The following COL25A1 variants were observed in gnomAD, a reference collection of about 807,000 sequenced individuals.
The protein encoded by COL25A1 is collagen type XXV alpha 1 chain, also known as collagen alpha-1(XXV) chain.
A neutral mutation model predicts 128.4 loss-of-function variants in COL25A1; 103 were observed. The observed-to-expected ratio is 0.80, with a 90% CI of 0.68 to 0.94. The LOEUF (loss-of-function observed/expected upper bound fraction) is 0.94. Among genes scored for constraint, COL25A1 ranks in the 40% least tolerant of loss-of-function variants. COL25A1 has a pLI of 0.00. For missense variants in COL25A1, 745 were observed against 840.0 expected (o/e 0.89, Z 1.40); for synonymous variants, 279 against 277.2 (o/e 1.01, Z -0.06).
intron 3 of COL25A1, among the ~76,000 whole-genome samples, chr4:109,185,990 T>C (rs1775096672): frequency 6.6e-6 from 1 of 152,210 alleles, no homozygotes; most frequent in Non-Finnish European, 1.5e-5. Context: ...AAATAAGTAT[T>C]CCGTTGTGGC....
chr4:109,150,511 C>T (rs1245651865), intron 3 of COL25A1, among the ~76,000 whole-genome samples: 2 of 151,906 alleles, frequency 1.3e-5, no homozygotes, highest in East Asian at 3.9e-4. Flanking sequence ...AAATGTGGTG[C>T]CGAGATGTGG....
At chr4:109,298,691 G>C (rs1216261254) in intron 3 of COL25A1, among the ~76,000 whole-genome samples, 2 of 152,192 alleles carry the variant, frequency 1.3e-5, no homozygotes, top group Non-Finnish European at 2.9e-5. Context: ...GATGATGTCT[G>C]ATTATTCCTC....
Position 108,862,395 on chromosome 4 carries a change from GAA to G in COL25A1, c.1197+104_1197+105del, listed in dbSNP as rs887284654. ...AATAAGTATTGCAGTTCCACTGTGT[GAA>G]AGAGTTTAATCTAAAACATGAAAAA... On this transcript the variant is annotated intron_variant, in intron 22 of 37. Transcript: ENST00000399132. The G allele has an allele frequency of 4.7e-6, 4 of 842,280 alleles. No homozygotes were observed. The African/African-American group carries it at 6.7e-5, about 14-fold the overall frequency. The allele number at this position is 842,280 out of a possible 1,614,324, so 52.2% of individuals were successfully genotyped here.
At chr4:109,106,037 T>C (rs1000541632) in intron 3 of COL25A1, among the ~76,000 whole-genome samples, 2 of 152,234 alleles carry the variant, frequency 1.3e-5, no homozygotes, top group Non-Finnish European at 2.9e-5. Flanking sequence ...AATGAACTAC[T>C]GTGCTTTCTA....
At chr4:109,203,090 C>T (rs556071211) in intron 3 of COL25A1, among the ~76,000 whole-genome samples, 2 of 152,206 alleles carry the variant, frequency 1.3e-5, no homozygotes, top group South Asian at 4.1e-4. Flanking sequence ...CAGGTCCCAC[C>T]TTCATGACTA....
At chr4:109,116,442 T>C (rs1560719368) in intron 3 of COL25A1, among the ~76,000 whole-genome samples, 1 of 151,882 alleles carries the variant, frequency 6.6e-6, no homozygotes, top group Non-Finnish European at 1.5e-5. Flanking sequence ...AAAGGGGAAA[T>C]AAGAAGCACT....
chr4:108,934,827 G>A (rs1010034069), intron 11 of COL25A1, among the ~76,000 whole-genome samples: 2 of 151,730 alleles, frequency 1.3e-5, no homozygotes, highest in African/African-American at 4.8e-5. Context: ...AAACTTTACA[G>A]GAATACATCT....
Position 109,296,461 on chromosome 4 carries a change from C to T in COL25A1, c.367+4122G>A, listed in dbSNP as rs573795477. Among the ~76,000 whole-genome samples the T allele has an allele frequency of 2.0e-5, 3 of 152,144 alleles. No individual in the cohort carries two copies. In the East Asian group the frequency reaches 5.8e-4, roughly 29 times the overall value. On this transcript the variant is annotated intron_variant, in intron 3 of 37. Transcript: ENST00000399132. ...TTAAAGATTTGTCTGTCATCCTCAT[C>T]AAAATGTAAGCTTCTTGAGGGAAGA... is the stretch of plus-strand genomic sequence containing the variant.
intron 9 of COL25A1, among the ~76,000 whole-genome samples, 186 bp from the exon 10 acceptor site, chr4:108,940,832 G>C (rs1275065202): frequency 6.6e-6 from 1 of 152,188 alleles, no homozygotes; most frequent in Admixed American, 6.5e-5. Context: ...ATTCATGCTG[G>C]GTGACTGAGT....
At chr4:108,864,266 A>C (rs1049182067) in intron 20 of COL25A1, among the ~76,000 whole-genome samples, 1 of 152,200 alleles carries the variant, frequency 6.6e-6, no homozygotes, top group Non-Finnish European at 1.5e-5. Context: ...GATAGGAATG[A>C]ATATCCATTT....
chr4:109,032,738 G>A lies in COL25A1; in HGVS notation c.420+15430C>T, dbSNP rs188956496. On this transcript the variant is annotated intron_variant, in intron 5 of 37. Coordinates refer to ENST00000399132, the MANE Select transcript of COL25A1 (RefSeq NM_198721.4). ...CAGGAAATGTAGCTTAGCATTTTTA[G>A]AGCCACTGGCTAAATTACCTCTATT... is the stretch of plus-strand genomic sequence containing the variant. Among the ~76,000 whole-genome samples the A allele has an allele frequency of 4.8e-3, 727 of 152,294 alleles. 8 individuals carry two copies. The highest frequency in any genetic ancestry group is 7.7e-3 in the Non-Finnish European group (524 of 68,022).
chr4:109,116,561 T>C (rs1293935883), intron 3 of COL25A1, among the ~76,000 whole-genome samples: 1 of 151,988 alleles, frequency 6.6e-6, no homozygotes, highest in African/African-American at 2.4e-5. Flanking sequence ...TAAAGGCCTA[T>C]TTACCACAGT....
chr4:108,972,426 T>C (rs1752008509), intron 8 of COL25A1, among the ~76,000 whole-genome samples: 1 of 152,200 alleles, frequency 6.6e-6, no homozygotes, highest in African/African-American at 2.4e-5. Context: ...TCTTACTATC[T>C]TGATATGATC....
At chr4:109,011,703 G>T (rs1002608086) in intron 5 of COL25A1, among the ~76,000 whole-genome samples, 1 of 152,160 alleles carries the variant, frequency 6.6e-6, no homozygotes, top group Non-Finnish European at 1.5e-5. Flanking sequence ...TGATTTTAAG[G>T]TTTATGCATT....
chr4:109,015,504 T>C (rs376150061), intron 5 of COL25A1, among the ~76,000 whole-genome samples: 29 of 152,246 alleles, frequency 1.9e-4, no homozygotes, highest in African/African-American at 6.5e-4. Context: ...GTAAAAGCCA[T>C]GCCAAGTGAA....
chr4:108,991,190 GTTATT>G (rs1375830356), intron 6 of COL25A1, among the ~76,000 whole-genome samples: 2 of 152,128 alleles, frequency 1.3e-5, no homozygotes, highest in Non-Finnish European at 2.9e-5. Flanking sequence ...AATGCTACGT[GTTATT>G]TACCTTTATT....
chr4:109,159,358 G>A (rs1772341302), intron 3 of COL25A1, among the ~76,000 whole-genome samples: 1 of 152,000 alleles, frequency 6.6e-6, no homozygotes, highest in Non-Finnish European at 1.5e-5. Flanking sequence ...TGGTGAGTGT[G>A]GTGACAATAT....
In COL25A1 at chr4:108,942,310, G is replaced by A. The variant is rs1028987614; in HGVS notation, c.493-873C>T. On this transcript the variant is annotated intron_variant, in intron 8 of 37. Transcript: ENST00000399132. ...GCACCAAAACAACACGACATAAAAC[G>A]TCACACAGACATTTCACTAGGGGAC... is the stretch of plus-strand genomic sequence containing the variant. The A allele has an allele frequency of 2.0e-5, 30 of 1,525,348 alleles. No homozygotes were observed. The East Asian group carries it at 3.4e-4, about 17-fold the overall frequency. The allele number at this position is 1,525,348 out of a possible 1,614,324, so 94.5% of individuals were successfully genotyped here.
At chr4:109,206,142 C>T (rs181494296) in intron 3 of COL25A1, among the ~76,000 whole-genome samples, 5 of 152,270 alleles carry the variant, frequency 3.3e-5, no homozygotes, top group South Asian at 2.1e-4. Flanking sequence ...TTTTCTCTAA[C>T]GTTATCTTAT....
Sources: gnomAD v4.1 joint callset for allele counts (sites outside exome capture counted in the v4.1 genomes callset) on GRCh38, gnomAD v4.1.1 for gene constraint, MANE v1.5 for transcripts, NCBI Gene and HGNC (gene_info 2026-07-23, HGNC 2026-07-21) for gene names.